Variants in ARRDC1 observed in about 807,000 individuals in gnomAD.
ARRDC1 encodes the protein arrestin domain containing 1.
ARRDC1 carries 37 observed loss-of-function variants against 40.1 expected under a neutral mutation model. That is an observed-to-expected ratio of 0.92 (90% CI 0.71 to 1.21). The LOEUF is 1.21. Among genes scored for constraint, ARRDC1 ranks in the 50% most tolerant of loss-of-function variants. The pLI is 0.00. For missense variants in ARRDC1, 641 were observed against 581.9 expected, an observed-to-expected ratio of 1.10 and a Z score of -1.04; for synonymous variants, 310 against 262.5, an observed-to-expected ratio of 1.18 and a Z score of -1.75.
intron 4 of ARRDC1, 87 bp downstream of exon 4, chr9:137,613,856 G>T: frequency 3.8e-6 from 6 of 1,566,354 alleles, no homozygotes; most frequent in Non-Finnish European, 5.2e-6. Context: ...TCATCCCAGC[G>T]TCCTGTCCCC....
In ARRDC1 at chr9:137,614,370, C is replaced by T; in HGVS notation, c.690C>T (p.Val230=). 4 of 1,613,238 alleles carry T rather than the reference C, an allele frequency of 2.5e-6. No individual in the cohort carries two copies. The highest frequency in any genetic ancestry group is 3.4e-6 in the Non-Finnish European group (4 of 1,179,744). ...TTGCGGAGGTGGAGGGTGCGGGCGT[C>T]AAGGCCTGGCGGCGGGCGCAGTGGC... The part of the protein sequence containing the change: ...RTIAEVEGAG[V]KAWRRAQWHE... Residue 230 remains valine, a synonymous_variant, in exon 6 of 8, where the codon GTC becomes GTT. Coordinates refer to ENST00000371421, the MANE Select transcript of ARRDC1 (RefSeq NM_152285.4).
chr9:137,607,409 G>A (rs1200575860), intron 1 of ARRDC1, among the ~76,000 whole-genome samples: 3 of 152,234 alleles, frequency 2.0e-5, no homozygotes, highest in African/African-American at 7.2e-5. Context: ...GAGTGTCGGT[G>A]ACAGTCAGCA....
intron 4 of ARRDC1, 72 bp from the exon 5 acceptor site, chr9:137,613,960 G>A: frequency 6.3e-7 from 1 of 1,580,932 alleles, no homozygotes; most frequent in Non-Finnish European, 8.6e-7. Flanking sequence ...CAGGGCTGAG[G>A]GGCCTGTCCC....
chr9:137,606,708 C>T (rs1186894926), intron 1 of ARRDC1, among the ~76,000 whole-genome samples: 1 of 152,216 alleles, frequency 6.6e-6, no homozygotes, highest in Non-Finnish European at 1.5e-5. Context: ...GCTCCTGGCC[C>T]CACTGGGCCT....
chr9:137,614,736 G>A lies in ARRDC1; in HGVS notation c.973G>A (p.Gly325Ser), dbSNP rs974920587. The A allele has an allele frequency of 3.1e-6, 5 of 1,608,354 alleles. No individual in the cohort carries two copies. Among genetic ancestry groups the A allele is most frequent in the African/African-American group, 2.7e-5 (2 of 74,776 alleles). The change falls in exon 7 of 8, where the codon GGC becomes AGC. Residue 325 changes from glycine (G) to serine (S), a missense_variant. Gly to Ser is a moderately conservative substitution (Grantham distance 56). Transcript: ENST00000371421. ...GGCTGAGGCTGAGGCTGCGGCTGGC[G>A]GCCCCCACTTCTTGGACCCCGTCTT... ...EEAEAEAAAG[G>S]PHFLDPVFLS...
intron 1 of ARRDC1, among the ~76,000 whole-genome samples, chr9:137,606,644 C>T (rs1024860514): frequency 6.6e-6 from 1 of 152,250 alleles, no homozygotes; most frequent in African/African-American, 2.4e-5. Context: ...TGACCCTGCA[C>T]CGCCTGAGGC....
chr9:137,614,028 C>A lies in ARRDC1; in HGVS notation c.436-4C>A, dbSNP rs1339289882. 6.2e-7 allele frequency: 1 copy of A among 1,613,578 alleles called. No homozygotes were observed. The highest frequency in any genetic ancestry group is 2.2e-5 in the East Asian group (1 of 44,884). ...CTAAGCCCCTCCCTGGCCCTCCCCC[C>A]AAGCAACCCAACGTGGCCTCTGCCA... On this transcript the variant is annotated splice_region_variant and splice_polypyrimidine_tract_variant and intron_variant, in intron 4 of 7. Coordinates refer to ENST00000371421, the MANE Select transcript of ARRDC1 (RefSeq NM_152285.4).
At chr9:137,613,097 C>G in intron 2 of ARRDC1, 91 bp downstream of exon 2, 1 of 1,022,642 alleles carries the variant, frequency 9.8e-7, no homozygotes, top group South Asian at 1.4e-5. Context: ...TTTCCTAGAT[C>G]TGCCTCTTGG....
chr9:137,614,268 T>G, intron 5 of ARRDC1, 31 bp from the exon 6 acceptor site: 1 of 1,577,914 alleles, frequency 6.3e-7, no homozygotes, highest in South Asian at 1.2e-5. Flanking sequence ...GCTGGCAGCC[T>G]GCGCAGGCTC....
chr9:137,610,597 CTT>C (rs1320638145), intron 1 of ARRDC1, among the ~76,000 whole-genome samples: 7 of 148,686 alleles, frequency 4.7e-5, no homozygotes, highest in Admixed American at 6.8e-5. Context: ...GAGTTTCACT[CTT>C]GTTGCTCAGG....
chr9:137,609,960 C>T (rs1842484997), intron 1 of ARRDC1, among the ~76,000 whole-genome samples: 1 of 152,014 alleles, frequency 6.6e-6, no homozygotes, highest in Non-Finnish European at 1.5e-5. Flanking sequence ...ACTACAGGCG[C>T]CCGCCACCAC....
intron 1 of ARRDC1, among the ~76,000 whole-genome samples, chr9:137,609,648 CTGAG>C (rs1842479382): frequency 6.6e-6 from 1 of 152,184 alleles, no homozygotes; most frequent in Non-Finnish European, 1.5e-5. Context: ...CCACAGCCTC[CTGAG>C]TGACTGGGAC....
Position 137,605,810 on chromosome 9 carries a change from C to T in ARRDC1, c.93C>T (p.Arg31=). Residue 31 remains arginine, a synonymous_variant, in exon 1 of 8, where the codon CGC becomes CGT. Transcript: ENST00000371421. ...CGTTGGCTGGGACCGTGCGCGTGCG[C>T]CTGGGGGCACCGCTGCCGTTCCGAG... ...GEPLAGTVRV[R]LGAPLPFRAI... 1 of 1,281,326 alleles carries T rather than the reference C, an allele frequency of 7.8e-7. No individual in the cohort carries two copies. The allele number at this position is 1,281,326 out of a possible 1,614,324, so 79.4% of individuals were successfully genotyped here.
chr9:137,614,310 T>C lies in ARRDC1; in HGVS notation c.630T>C (p.Tyr210=). The change falls in exon 6 of 8, where the codon TAT becomes TAC. Residue 210 remains tyrosine (Y), a synonymous_variant. Transcript: ENST00000371421. ...VVASLLQKVS[Y]KAKRWIHDVR... ...TGGTCCTTCCCCAGAAAGTGTCCTATAAGGCCAAGCGCTGGATCCACGACG... is the reference window on the plus strand; with the variant it reads ...TGGTCCTTCCCCAGAAAGTGTCCTACAAGGCCAAGCGCTGGATCCACGACG... 2 of 1,599,554 alleles carry C rather than the reference T, an allele frequency of 1.3e-6. No individual in the cohort carries two copies. Among genetic ancestry groups the C allele is most frequent in the Non-Finnish European group, 1.7e-6 (2 of 1,172,108 alleles).
At chr9:137,606,794 G>A (rs1842431535) in intron 1 of ARRDC1, among the ~76,000 whole-genome samples, 1 of 152,174 alleles carries the variant, frequency 6.6e-6, no homozygotes, top group African/African-American at 2.4e-5. Flanking sequence ...AGGTGTGGCC[G>A]TGGCAGGGCA....
rs766777943 is a variant in ARRDC1 at position 137,613,528 on chromosome 9, A to T, written c.280+18A>T. ...GCTTCCTGGTGAGAGCCCAGCCTGG[A>T]CAGGCCTGGTGATGACCAACTGGTC... On this transcript the variant is annotated intron_variant, in intron 3 of 7. Transcript: ENST00000371421. The T allele has an allele frequency of 1.2e-6, 2 of 1,613,798 alleles. No individual in the cohort carries two copies. The highest frequency in any genetic ancestry group is 1.7e-6 in the Non-Finnish European group (2 of 1,179,916).
intron 1 of ARRDC1, among the ~76,000 whole-genome samples, chr9:137,609,448 G>A (rs1842475889): frequency 6.6e-6 from 1 of 151,900 alleles, no homozygotes; most frequent in African/African-American, 2.4e-5. Flanking sequence ...TGGTCAGGCG[G>A]GCCTGGAACT....
rs1842563672 is a variant in ARRDC1, at chr9:137,612,996, G to A, written c.219G>A (p.Leu73=). The A allele has an allele frequency of 1.2e-6, 2 of 1,613,504 alleles. No individual in the cohort carries two copies. Among genetic ancestry groups the A allele is most frequent in the Admixed American group, 1.7e-5 (1 of 59,970 alleles). ...GTTACTTCAACAGTTCCCTGTCGCT[G>A]GCAGACAAGGGTAAGTTTGGGAGCC... ...EEGYFNSSLS[L]ADKGSLPAGE... is the part of the protein sequence containing the mutation. Residue 73 remains leucine (L), a synonymous_variant, in exon 2 of 8, where the codon CTG becomes CTA. Transcript: ENST00000371421.
In ARRDC1 at chr9:137,614,141, C is replaced by T. The variant is rs954770926; in HGVS notation, c.545C>T (p.Ala182Val). Residue 182 changes from alanine (A) to valine (V), a missense_variant, in exon 5 of 8, where the codon GCA (alanine) becomes GTA (valine). Coordinates refer to ENST00000371421, the MANE Select transcript of ARRDC1 (RefSeq NM_152285.4). Reference sequence around the variant, plus strand: ...CTCCGCGGCTATGTGGTGGGGCAGGCACTGCAGCTGCATGCCGACGTTGAG... The same window carrying T: ...CTCCGCGGCTATGTGGTGGGGCAGGTACTGCAGCTGCATGCCGACGTTGAG... ...TDLRGYVVGQ[A>V]LQLHADVENQ... The T allele has an allele frequency of 1.2e-6, 2 of 1,613,208 alleles. No individual in the cohort carries two copies. The highest frequency in any genetic ancestry group is 2.7e-5 in the African/African-American group (2 of 74,934).
Sources: gnomAD v4.1 joint callset for allele counts (sites outside exome capture counted in the v4.1 genomes callset) on GRCh38, gnomAD v4.1.1 for gene constraint, MANE v1.5 for transcripts, NCBI Gene and HGNC (gene_info 2026-07-23, HGNC 2026-07-21) for gene names.